EEFSEC: variants seen among roughly 807,000 people sequenced by gnomAD.
The protein encoded by EEFSEC is eukaryotic elongation factor, selenocysteine-tRNA specific, also known as selenocysteine-specific elongation factor.
Under a neutral mutation model 42.1 loss-of-function variants are expected in EEFSEC, and 43 were observed. The observed-to-expected ratio is 1.02, with a 90% CI of 0.80 to 1.32. EEFSEC has a LOEUF of 1.32. Ranked by LOEUF, EEFSEC falls within the 40% of genes most tolerant of loss-of-function variation. The probability of loss-of-function intolerance (pLI) is 0.00; values close to 1 mark genes in which losing one functional copy is unlikely to be tolerated. For synonymous variants in EEFSEC, 354 were observed against 339.1 expected (o/e 1.04, Z -0.48); for missense variants, 745 against 803.6 (o/e 0.93, Z 0.88).
intron 1 of EEFSEC, among the ~76,000 whole-genome samples, chr3:128,192,835 G>A (rs1453309497): frequency 6.6e-6 from 1 of 152,130 alleles, no homozygotes; most frequent in Non-Finnish European, 1.5e-5. Context: ...GAAATTGGTG[G>A]GTAGTAGTAA....
chr3:128,153,852 C>G, intron 1 of EEFSEC, 29 bp downstream of exon 1: 1 of 1,474,286 alleles, frequency 6.8e-7, no homozygotes, highest in Non-Finnish European at 8.9e-7. Flanking sequence ...GGGAGCCGGG[C>G]TCAGGGACGC....
intron 4 of EEFSEC, among the ~76,000 whole-genome samples, chr3:128,269,903 T>A (rs527828538): frequency 6.6e-6 from 1 of 152,200 alleles, no homozygotes; most frequent in South Asian, 2.1e-4. Flanking sequence ...CTGGTGATGA[T>A]TGGCTATCAG....
Position 128,169,323 on chromosome 3 carries a change from A to G in EEFSEC, c.316+15500A>G, listed in dbSNP as rs369486986. Among the ~76,000 whole-genome samples, 19 of 152,336 alleles carry G rather than the reference A, an allele frequency of 1.2e-4. 1 individual carries two copies. In the East Asian group the frequency reaches 2.9e-3, roughly 23 times the overall value. On this transcript the variant is annotated intron_variant, in intron 1 of 6. Coordinates refer to ENST00000254730, the MANE Select transcript of EEFSEC (RefSeq NM_021937.5). ...GGCTGGACATCTCCTGGGGCTAGCT[A>G]CGAGTGAGAGGGTATCAGCTGGTTT...
At chr3:128,181,486 G>T (rs1023977831) in intron 1 of EEFSEC, among the ~76,000 whole-genome samples, 4 of 152,190 alleles carry the variant, frequency 2.6e-5, no homozygotes, top group Non-Finnish European at 5.9e-5. Context: ...TCTCCATCCT[G>T]ATCCAGATTT....
At chr3:128,311,846 C>T (rs1014955199) in intron 4 of EEFSEC, among the ~76,000 whole-genome samples, 13 of 152,204 alleles carry the variant, frequency 8.5e-5, no homozygotes, top group African/African-American at 2.9e-4. Context: ...CCAGCTCTTA[C>T]GTCCCACCTC....
At chr3:128,330,456 A>G (rs75197924) in intron 4 of EEFSEC, among the ~76,000 whole-genome samples, 1 of 152,222 alleles carries the variant, frequency 6.6e-6, no homozygotes, top group Non-Finnish European at 1.5e-5. Context: ...GCGCACAGGC[A>G]CACACTGGAC....
intron 4 of EEFSEC, among the ~76,000 whole-genome samples, chr3:128,296,069 G>C (rs917715802): frequency 6.6e-6 from 1 of 152,182 alleles, no homozygotes; most frequent in Admixed American, 6.5e-5. Context: ...GAAGGATAGA[G>C]AGTGAGAGAT....
At chr3:128,181,370 C>T (rs1236418514) in intron 1 of EEFSEC, among the ~76,000 whole-genome samples, 2 of 152,178 alleles carry the variant, frequency 1.3e-5, no homozygotes, top group Non-Finnish European at 2.9e-5. Flanking sequence ...CAGCCTATGC[C>T]GACATTCTTC....
At chr3:128,224,284 T>C (rs1252530818) in intron 1 of EEFSEC, among the ~76,000 whole-genome samples, 1 of 152,228 alleles carries the variant, frequency 6.6e-6, no homozygotes, top group African/African-American at 2.4e-5. Context: ...TAGAATGTAT[T>C]TCTTCTTTCA....
intron 4 of EEFSEC, among the ~76,000 whole-genome samples, chr3:128,275,471 C>A (rs576190171): frequency 6.6e-6 from 1 of 152,192 alleles, no homozygotes; most frequent in Non-Finnish European, 1.5e-5. Flanking sequence ...ACTGTTGATG[C>A]GTGTCATGTC....
chr3:128,250,182 T>C (rs1354804620), intron 2 of EEFSEC, among the ~76,000 whole-genome samples: 4 of 152,178 alleles, frequency 2.6e-5, no homozygotes, highest in African/African-American at 9.6e-5. Context: ...GATTTGCAAA[T>C]ATCTTCTCCT....
the EEFSEC span, among the ~76,000 whole-genome samples, chr3:128,421,246 C>T: frequency 6.6e-6 from 1 of 152,244 alleles, no homozygotes; most frequent in Non-Finnish European, 1.5e-5. Context: ...GCCTGCACAA[C>T]CTCTGAGCAA....
chr3:128,382,691 C>T (rs2067791477), intron 6 of EEFSEC, among the ~76,000 whole-genome samples: 1 of 152,172 alleles, frequency 6.6e-6, no homozygotes, highest in East Asian at 1.9e-4. Context: ...AAGGAGCCCT[C>T]TTCCCCTACC....
At chr3:128,297,219 C>T (rs2066716167) in intron 4 of EEFSEC, among the ~76,000 whole-genome samples, 1 of 151,900 alleles carries the variant, frequency 6.6e-6, no homozygotes, top group African/African-American at 2.4e-5. Flanking sequence ...GGCCCCGGTC[C>T]CCCAAGGGAG....
chr3:128,423,095 C>A, the EEFSEC span, among the ~76,000 whole-genome samples: 1 of 152,218 alleles, frequency 6.6e-6, no homozygotes, highest in Non-Finnish European at 1.5e-5. Context: ...TTAGGACCAC[C>A]TTCTCTGGGT....
intron 1 of EEFSEC, among the ~76,000 whole-genome samples, chr3:128,182,883 CG>C (rs869300522): frequency 4.4e-4 from 8 of 18,024 alleles, no homozygotes; most frequent in South Asian, 4.1e-3. Flanking sequence ...GAGATCGGGG[CG>C]GGGGGGTGGG....
At position 128,325,220 on chromosome 3, in the gene EEFSEC, T is replaced by A. The variant is rs566254645; in HGVS notation, c.787-16013T>A. On this transcript the variant is annotated intron_variant, in intron 4 of 6. Coordinates refer to ENST00000254730, the MANE Select transcript of EEFSEC (RefSeq NM_021937.5). ...TGGGGAAGGGGGAAGGGGGAAGTGATCTCCCTGTTGAGCCTTGCTGAGGAC... is the reference window on the plus strand; with the variant it reads ...TGGGGAAGGGGGAAGGGGGAAGTGAACTCCCTGTTGAGCCTTGCTGAGGAC... 2.0e-5 allele frequency among the ~76,000 whole-genome samples: 3 copies of A among 152,276 alleles called. No homozygotes were observed. In the South Asian group the frequency reaches 6.2e-4, roughly 32 times the overall value.
intron 5 of EEFSEC, among the ~76,000 whole-genome samples, chr3:128,355,156 G>A (rs1250407027): frequency 6.6e-6 from 1 of 152,188 alleles, no homozygotes; most frequent in African/African-American, 2.4e-5. Context: ...GGCCTGTAGT[G>A]GGTCAGGGCC....
At chr3:128,167,725 T>A (rs1459994772) in intron 1 of EEFSEC, among the ~76,000 whole-genome samples, 2 of 152,244 alleles carry the variant, frequency 1.3e-5, no homozygotes, top group Non-Finnish European at 2.9e-5. Flanking sequence ...GAAGCAGTTC[T>A]CAAACATCCT....
Sources: allele counts gnomAD v4.1 joint callset (sites outside exome capture counted in the v4.1 genomes callset), GRCh38; gene constraint gnomAD v4.1.1; transcripts MANE v1.5; gene names NCBI Gene and HGNC (gene_info 2026-07-23, HGNC 2026-07-21).